PPCDC: variants seen among roughly 807,000 people sequenced by gnomAD.
PPCDC encodes phosphopantothenoylcysteine decarboxylase.
PPCDC carries 20 observed loss-of-function variants against 20.7 expected under a neutral mutation model. The observed-to-expected ratio is 0.97, with a 90% CI of 0.68 to 1.41. The LOEUF is 1.41. Among genes scored for constraint, PPCDC ranks in the 40% most tolerant of loss-of-function variants. The pLI, the probability that PPCDC is intolerant of heterozygous loss-of-function variation, is 0.00. For synonymous variants in PPCDC, 88 were observed against 100.3 expected (o/e 0.88, Z 0.73); for missense variants, 246 against 263.8 (o/e 0.93, Z 0.47).
intron 1 of PPCDC, among the ~76,000 whole-genome samples, chr15:75,026,273 G>A (rs1420689521): frequency 6.6e-6 from 1 of 152,178 alleles, no homozygotes; most frequent in Non-Finnish European, 1.5e-5. Flanking sequence ...GGAGAATAAA[G>A]AATGTGCCTC....
At chr15:75,043,824 C>A in intron 3 of PPCDC, 2 of 394,102 alleles carry the variant, frequency 5.1e-6, no homozygotes, top group Non-Finnish European at 9.3e-6. Context: ...GCTCTGTTCC[C>A]ACCACCCTTG....
chr15:75,028,818 C>T (rs972725123), intron 2 of PPCDC, among the ~76,000 whole-genome samples: 13 of 152,140 alleles, frequency 8.5e-5, no homozygotes, highest in Non-Finnish European at 1.6e-4. Context: ...CCTTGGGCTT[C>T]CCCATCCCTG....
At chr15:75,044,026 T>C (rs2066190210) in intron 3 of PPCDC, among the ~76,000 whole-genome samples, 1 of 150,666 alleles carries the variant, frequency 6.6e-6, no homozygotes. Context: ...TGGCCTGTCT[T>C]CCCCGCCCCC....
chr15:75,029,537 C>A (rs1442477850), intron 2 of PPCDC, among the ~76,000 whole-genome samples: 1 of 152,152 alleles, frequency 6.6e-6, no homozygotes, highest in African/African-American at 2.4e-5. Context: ...CACTTTTTTA[C>A]TTTCCACCAA....
intron 2 of PPCDC, among the ~76,000 whole-genome samples, chr15:75,041,325 GA>G (rs1026033080): frequency 1.6e-4 from 25 of 152,288 alleles, no homozygotes; most frequent in Admixed American, 6.5e-5. Flanking sequence ...CATTCAGTGG[GA>G]GTTTGGTTTA....
rs762109390 is a variant in PPCDC at position 75,050,425 on chromosome 15, A to C, written c.*1190A>C. The stretch of plus-strand genomic sequence containing the variant: ...CTGGCCCAGAAACCCTCTGCTACCC[A>C]GCTTTTGACTTAATTGCCATTTGGT... On this transcript the variant is annotated 3_prime_UTR_variant, in exon 6 of 6. Transcript: ENST00000342932. 1.3e-5 allele frequency: 2 copies of C among 152,350 alleles called. No individual in the cohort carries two copies. Among genetic ancestry groups the C allele is most frequent in the Non-Finnish European group, 2.9e-5 (2 of 68,148 alleles). 9.4% of individuals were successfully genotyped at this position (152,350 alleles called of 1,614,324 possible). A position where few individuals can be genotyped will look rare whatever the true frequency, so the allele number is the denominator to read the frequency against.
intron 2 of PPCDC, among the ~76,000 whole-genome samples, chr15:75,040,652 A>G (rs1291117628): frequency 6.6e-6 from 1 of 151,298 alleles, no homozygotes; most frequent in Non-Finnish European, 1.5e-5. Flanking sequence ...CTTGCTTTTT[A>G]TTTTTTTATT....
chr15:75,048,162 A>T (rs2066262575), intron 4 of PPCDC, among the ~76,000 whole-genome samples: 2 of 152,196 alleles, frequency 1.3e-5, no homozygotes, highest in Admixed American at 1.3e-4. Flanking sequence ...CGGAGAGCTG[A>T]TGTCAAGTAG....
At chr15:75,048,079 G>A (rs1395882329) in intron 4 of PPCDC, among the ~76,000 whole-genome samples, 5 of 152,168 alleles carry the variant, frequency 3.3e-5, no homozygotes, top group Non-Finnish European at 7.3e-5. Flanking sequence ...TCTCAGTGAG[G>A]GTTAATGAGA....
chr15:75,046,596 C>G (rs1595914157), intron 4 of PPCDC, among the ~76,000 whole-genome samples: 1 of 152,250 alleles, frequency 6.6e-6, no homozygotes, highest in Non-Finnish European at 1.5e-5. Context: ...CAAAGGTTTT[C>G]CCTCGAAGTC....
chr15:75,038,161 C>G (rs2066108557), intron 2 of PPCDC, among the ~76,000 whole-genome samples: 1 of 152,208 alleles, frequency 6.6e-6, no homozygotes, highest in Non-Finnish European at 1.5e-5. Context: ...CCTAGACCAC[C>G]TGGGGATGTT....
At chr15:75,046,072 G>T (rs368541298) in intron 4 of PPCDC, among the ~76,000 whole-genome samples, 2 of 151,260 alleles carry the variant, frequency 1.3e-5, no homozygotes, top group East Asian at 3.9e-4. Flanking sequence ...AAATTAGCCA[G>T]GTGTGGTGGT....
rs374699656 is a variant in PPCDC at position 75,049,274 on chromosome 15, A to G, written c.*39A>G. On this transcript the variant is annotated 3_prime_UTR_variant, in exon 6 of 6. Coordinates refer to ENST00000342932, the MANE Select transcript of PPCDC (RefSeq NM_021823.5). ...TCATGGGTGTCCCTCTGTACTCAGA[A>G]TGGGTTCAGGCCAAGTCGGTGAAGA... The G allele has an allele frequency of 1.9e-6, 3 of 1,587,582 alleles. No homozygotes were observed. In the African/African-American group the frequency reaches 4.0e-5, roughly 21 times the overall value.
At chr15:75,031,870 G>A (rs1160945048) in intron 2 of PPCDC, among the ~76,000 whole-genome samples, 1 of 152,140 alleles carries the variant, frequency 6.6e-6, no homozygotes, top group African/African-American at 2.4e-5. Context: ...GCTTCTGGGG[G>A]TGGTGGCGAC....
intron 4 of PPCDC, 104 bp from the exon 5 acceptor site, chr15:75,048,449 C>T (rs1258638528): frequency 1.4e-6 from 2 of 1,458,250 alleles, no homozygotes; most frequent in African/African-American, 2.8e-5. Flanking sequence ...TGTGCCCAGT[C>T]ATCTCAAGCC....
intron 5 of PPCDC, 112 bp downstream of exon 5, chr15:75,048,833 G>C: frequency 7.4e-7 from 1 of 1,344,758 alleles, no homozygotes; most frequent in Non-Finnish European, 1.0e-6. Context: ...CATTCTCTGA[G>C]CTTAGCTTTC....
rs550795516 is a variant in PPCDC, at chr15:75,050,393, A to G, written c.*1158A>G. ...CAAGGGAAGTAGATCCAGAGACACCATGCACTCTGGCCCAGAAACCCTCTG... is the reference window on the plus strand; with the variant it reads ...CAAGGGAAGTAGATCCAGAGACACCGTGCACTCTGGCCCAGAAACCCTCTG... On this transcript the variant is annotated 3_prime_UTR_variant, in exon 6 of 6. Coordinates refer to ENST00000342932, the MANE Select transcript of PPCDC (RefSeq NM_021823.5). The G allele has an allele frequency of 2.0e-5, 3 of 152,302 alleles. No homozygotes were observed. The highest frequency in any genetic ancestry group is 2.9e-5 in the Non-Finnish European group (2 of 68,092). 9.4% of individuals were successfully genotyped at this position (152,302 alleles called of 1,614,324 possible).
rs1245278096 is a variant in PPCDC at position 75,041,682 on chromosome 15, G to C, written c.136-1759G>C. Among the ~76,000 whole-genome samples, 4 of 152,260 alleles carry C rather than the reference G, an allele frequency of 2.6e-5. No homozygotes were observed. In the East Asian group the frequency reaches 7.7e-4, roughly 29 times the overall value. On this transcript the variant is annotated intron_variant, in intron 2 of 5. Coordinates refer to ENST00000342932, the MANE Select transcript of PPCDC (RefSeq NM_021823.5). Reference sequence around the variant, plus strand: ...AAAAGGTCCTTGAGGTTTTTTTGCAGGTTCTGGGCATGGTAGATCCTAAGG... The same window carrying C: ...AAAAGGTCCTTGAGGTTTTTTTGCACGTTCTGGGCATGGTAGATCCTAAGG...
chr15:75,048,026 C>T (rs2066260707), intron 4 of PPCDC, among the ~76,000 whole-genome samples: 1 of 152,180 alleles, frequency 6.6e-6, no homozygotes, highest in Non-Finnish European at 1.5e-5. Context: ...TCTCAGGGAG[C>T]AGCTCCCTAT....
Sources: allele counts gnomAD v4.1 joint callset (sites outside exome capture counted in the v4.1 genomes callset), GRCh38; gene constraint gnomAD v4.1.1; transcripts MANE v1.5; gene names NCBI Gene and HGNC (gene_info 2026-07-23, HGNC 2026-07-21).